The following MIA3 variants were observed in gnomAD, a reference collection of about 807,000 sequenced individuals.
The protein encoded by MIA3 is transport and Golgi organization protein 1 homolog.
Under a neutral mutation model 192.4 loss-of-function variants are expected in MIA3, and 90 were observed. The ratio of observed to expected loss-of-function variants is 0.47; its 90% confidence interval spans 0.39 to 0.56. The LOEUF is 0.56. MIA3 is among the 20% of genes least tolerant of loss of function. The pLI is 0.00. For synonymous variants in MIA3, 740 were observed against 792.8 expected (o/e 0.93, Z 1.12); for missense variants, 2,123 against 2,269.4 (o/e 0.94, Z 1.31).
chr1:222,660,087 A>G (rs1663933402), intron 23 of MIA3, 81 bp downstream of exon 23: 2 of 1,587,648 alleles, frequency 1.3e-6, no homozygotes, highest in East Asian at 2.2e-5. Flanking sequence ...TTCTGTGTGT[A>G]ATGGTTATGG....
chr1:222,643,180 T>C (rs1662939744), intron 6 of MIA3, among the ~76,000 whole-genome samples: 1 of 152,228 alleles, frequency 6.6e-6, no homozygotes, highest in Non-Finnish European at 1.5e-5. Context: ...GTTTTCATTT[T>C]TTACATTCAG....
chr1:222,651,564 A>C (rs1469389003), intron 11 of MIA3, among the ~76,000 whole-genome samples: 1 of 152,038 alleles, frequency 6.6e-6, no homozygotes, highest in Non-Finnish European at 1.5e-5. Context: ...TAATTTAGGC[A>C]AGAGCAATTG....
intron 1 of MIA3, among the ~76,000 whole-genome samples, chr1:222,618,603 C>T (rs1022717057): frequency 1.3e-5 from 2 of 152,302 alleles, no homozygotes; most frequent in South Asian, 4.1e-4. Context: ...CCCCCCAATC[C>T]GCCTGGGCTC....
chr1:222,651,912 G>A (rs1413753640), intron 11 of MIA3, 65 bp from the exon 12 acceptor site: 1 of 884,386 alleles, frequency 1.1e-6, no homozygotes, highest in African/African-American at 1.7e-5. Context: ...CTTCTTCTTA[G>A]TATGTATCCC....
chr1:222,652,283 G>A lies in MIA3; in HGVS notation c.4037G>A (p.Cys1346Tyr), dbSNP rs1307689634. ...AGTGAAGAGAAGGTGAAGTCTGAAT[G>A]CCATCGGGTTCAAGAAGAAAATGCT... is the stretch of plus-strand genomic sequence containing the variant. The part of the protein sequence containing the change: ...KLSEEKVKSE[C>Y]HRVQEENARL... Residue 1346 changes from cysteine (C) to tyrosine (Y), a missense_variant, in exon 13 of 28, where the codon TGC (cysteine) becomes TAC (tyrosine). Physicochemically the swap from Cys to Tyr is radical, Grantham distance 194. Transcript: ENST00000344922. The A allele has an allele frequency of 6.2e-7, 1 of 1,613,810 alleles. No homozygotes were observed. The highest frequency in any genetic ancestry group is 1.3e-5 in the African/African-American group (1 of 74,930).
chr1:222,631,063 T>C (rs879262672), intron 4 of MIA3, among the ~76,000 whole-genome samples: 3 of 152,062 alleles, frequency 2.0e-5, no homozygotes, highest in Non-Finnish European at 2.9e-5. Flanking sequence ...TCTTTTCTTT[T>C]CTTTTCTTTC....
chr1:222,644,708 A>G, intron 6 of MIA3: 1 of 1,093,056 alleles, frequency 9.1e-7, no homozygotes, highest in South Asian at 1.4e-5. Flanking sequence ...GATCCGAGGA[A>G]AGCAAGACGT....
intron 6 of MIA3, 49 bp downstream of exon 6, chr1:222,633,298 T>G: frequency 6.8e-7 from 1 of 1,471,000 alleles, no homozygotes; most frequent in South Asian, 1.2e-5. Flanking sequence ...TTATTACAGT[T>G]TTTAAGTTGA....
At chr1:222,644,334 T>C (rs1014417620) in intron 6 of MIA3, 2 of 1,469,514 alleles carry the variant, frequency 1.4e-6, no homozygotes, top group Non-Finnish European at 9.0e-7. Flanking sequence ...AAAGCGAAAG[T>C]GCAGGCAGCT....
chr1:222,658,694 C>T lies in MIA3; in HGVS notation c.4608-28C>T, dbSNP rs780184726. 5.9e-6 allele frequency: 9 copies of T among 1,532,010 alleles called. No homozygotes were observed. The Admixed American group carries it at 9.4e-5, about 16-fold the overall frequency. The allele number at this position is 1,532,010 out of a possible 1,614,324, so 94.9% of individuals were successfully genotyped here. On this transcript the variant is annotated intron_variant, in intron 18 of 27. Transcript: ENST00000344922. ...GAATGCCAGGAGGAAAAGAGAAACA[C>T]TTTCATTGACAACCAGTTTTATCTT...
Position 222,659,635 on chromosome 1 carries a change from A to C in MIA3, c.4784A>C (p.Glu1595Ala). The C allele has an allele frequency of 6.2e-7, 1 of 1,614,072 alleles. No homozygotes were observed. The highest frequency in any genetic ancestry group is 8.5e-7 in the Non-Finnish European group (1 of 1,179,972). ...TATCTTTTTCAGATCGCTACCCATGAGAAGAAAGCTCATGAAAACTGGGTA... is the reference window on the plus strand; with the variant it reads ...TATCTTTTTCAGATCGCTACCCATGCGAAGAAAGCTCATGAAAACTGGGTA... ...RSFKNQIATH[E>A]KKAHENWLKA... Residue 1595 changes from glutamate to alanine, a missense_variant, in exon 21 of 28, where the codon GAG (glutamate) becomes GCG (alanine). Physicochemically the swap from Glu to Ala is moderately radical, Grantham distance 107. This residue lies in a region of MIA3 where 762 missense variants were observed against 856.4 expected (regional missense o/e 0.89). Transcript: ENST00000344922.
chr1:222,636,233 T>G (rs1357358607), intron 6 of MIA3, among the ~76,000 whole-genome samples: 5 of 152,214 alleles, frequency 3.3e-5, no homozygotes, highest in Non-Finnish European at 5.9e-5. Flanking sequence ...TTGTAATTCC[T>G]GATGATTAAT....
Position 222,659,526 on chromosome 1 carries a change from G to C in MIA3, c.4770+13G>C. ...ATTTAAAAACCAGGTAATAATTCTA[G>C]TGCCCTACTATATAGTGCCCGGAAT... On this transcript the variant is annotated intron_variant, in intron 20 of 27. Coordinates refer to ENST00000344922, the MANE Select transcript of MIA3 (RefSeq NM_198551.4). The C allele has an allele frequency of 6.2e-7, 1 of 1,613,030 alleles. No individual in the cohort carries two copies. The highest frequency in any genetic ancestry group is 8.5e-7 in the Non-Finnish European group (1 of 1,179,090).
rs1662337065 is a variant in MIA3, at chr1:222,630,245, A to G, written c.3025A>G (p.Asn1009Asp). Reference protein sequence around the residue: ...AENRDLGMNENNIFEEAAVLD... With the variant: ...AENRDLGMNEDNIFEEAAVLD... ...AAATAGAGATCTGGGAATGAACGAA[A>G]ATAACATATTTGAAGAGGCTGCAGT... The change falls in exon 4 of 28, where the codon AAT (asparagine) becomes GAT (aspartate). Residue 1009 changes from asparagine (N) to aspartate (D), a missense_variant. By Grantham distance (23) the Asn-to-Asp change is conservative. Around this residue, in one of 3 missense-constraint regions of MIA3, gnomAD observed 1,357 missense variants for 1,396.1 expected, o/e 0.97. Transcript: ENST00000344922. 1 of 1,614,106 alleles carries G rather than the reference A, an allele frequency of 6.2e-7. No individual in the cohort carries two copies. The highest frequency in any genetic ancestry group is 8.5e-7 in the Non-Finnish European group (1 of 1,180,038).
In MIA3 at chr1:222,635,918, A is replaced by G. The variant is rs190430953; in HGVS notation, c.3477+2669A>G. ...CCTTTGTTGCCTATTTCATTCTTATACTGACTCCAAATTTTCCTCCAGATG... is the reference window on the plus strand; with the variant it reads ...CCTTTGTTGCCTATTTCATTCTTATGCTGACTCCAAATTTTCCTCCAGATG... On this transcript the variant is annotated intron_variant, in intron 6 of 27. Coordinates refer to ENST00000344922, the MANE Select transcript of MIA3 (RefSeq NM_198551.4). Among the ~76,000 whole-genome samples, 199 of 152,276 alleles carry G rather than the reference A, an allele frequency of 1.3e-3. 1 individual carries two copies. Among genetic ancestry groups the G allele is most frequent in the African/African-American group, 4.6e-3 (190 of 41,548 alleles).
At chr1:222,646,441 T>G (rs1178623923) in intron 7 of MIA3, among the ~76,000 whole-genome samples, 2 of 136,488 alleles carry the variant, frequency 1.5e-5, no homozygotes, top group Non-Finnish European at 3.1e-5. Flanking sequence ...AAGAAAGAAA[T>G]AACCAATCAT....
At chr1:222,646,680 A>G (rs3008625) in intron 7 of MIA3, among the ~76,000 whole-genome samples, 33,453 of 151,962 alleles carry the variant, frequency 0.22, 4,069 homozygotes, top group Admixed American at 0.34. Context: ...TGAACTGGGG[A>G]AGCAGATCAT....
At position 222,666,868 on chromosome 1, in the gene MIA3, C is replaced by G. The variant is rs1016033727; in HGVS notation, c.*1249C>G. The G allele has an allele frequency of 6.6e-6, 1 of 152,150 alleles. No homozygotes were observed. Among genetic ancestry groups the G allele is most frequent in the Admixed American group, 6.5e-5 (1 of 15,280 alleles). 9.4% of individuals were successfully genotyped at this position (152,150 alleles called of 1,614,324 possible). On this transcript the variant is annotated 3_prime_UTR_variant, in exon 28 of 28. Transcript: ENST00000344922. The stretch of plus-strand genomic sequence containing the variant: ...TTTCTTTAAATACTCTACAACGTTT[C>G]TAAGAACGAACTTCAGACATTTTAA...
In MIA3 at chr1:222,629,592, C is replaced by T. The variant is rs1314390558; in HGVS notation, c.2372C>T (p.Thr791Ile). ...AGTATGATTTTGGATAGCGAAAAAA[C>T]AAGTGAGACTGCTGCCAAAGGGGTC... ...ETSMILDSEKTSETAAKGVNT... is the reference protein window; with the variant it reads ...ETSMILDSEKISETAAKGVNT... Residue 791 changes from threonine to isoleucine, a missense_variant, in exon 4 of 28, where the codon ACA becomes ATA. Coordinates refer to ENST00000344922, the MANE Select transcript of MIA3 (RefSeq NM_198551.4). 6.2e-7 allele frequency: 1 copy of T among 1,613,974 alleles called. No homozygotes were observed. Among genetic ancestry groups the T allele is most frequent in the Non-Finnish European group, 8.5e-7 (1 of 1,179,966 alleles).
Sources: allele counts gnomAD v4.1 joint callset (sites outside exome capture counted in the v4.1 genomes callset), GRCh38; gene constraint gnomAD v4.1.1; regional missense constraint gnomAD v4.1.1; transcripts MANE v1.5; gene names NCBI Gene and HGNC (gene_info 2026-07-23, HGNC 2026-07-21).